The following XPR1 variants were observed in gnomAD, a reference collection of about 807,000 sequenced individuals.
XPR1 encodes xenotropic and polytropic retrovirus receptor 1.
A neutral mutation model predicts 87.5 loss-of-function variants in XPR1; 28 were observed. That is an observed-to-expected ratio of 0.32 (90% CI 0.24 to 0.44). The LOEUF (loss-of-function observed/expected upper bound fraction) is 0.44. XPR1 is among the 20% of genes least tolerant of loss of function. The pLI is 1.00. For synonymous variants in XPR1, 300 were observed against 306.1 expected, an observed-to-expected ratio of 0.98 and a Z score of 0.21; for missense variants, 559 against 862.3, an observed-to-expected ratio of 0.65 and a Z score of 4.41.
chr1:180,756,482 G>A (rs928213317), intron 2 of XPR1, among the ~76,000 whole-genome samples: 2 of 152,120 alleles, frequency 1.3e-5, no homozygotes, highest in Admixed American at 6.5e-5. Flanking sequence ...TTAAAATTGT[G>A]TAGTCTTTAT....
chr1:180,659,179 T>C (rs1479867256), intron 1 of XPR1, among the ~76,000 whole-genome samples: 11 of 128,212 alleles, frequency 8.6e-5, no homozygotes, highest in Admixed American at 1.6e-4. Context: ...CTAGGGATAT[T>C]GGCCTGTAGT....
chr1:180,840,532 T>TTGTGTGTGTG lies in XPR1; in HGVS notation c.1501+3842_1501+3851dup, dbSNP rs373937004. Among the ~76,000 whole-genome samples the TTGTGTGTGTG allele has an allele frequency of 8.8e-3, 975 of 110,298 alleles. 8 individuals are homozygous for TTGTGTGTGTG. The highest frequency in any genetic ancestry group is 0.012 in the Admixed American group (121 of 9,778). 72.4% of individuals were successfully genotyped at this position (110,298 alleles called of 152,430 possible). On this transcript the variant is annotated intron_variant, in intron 11 of 14. Transcript: ENST00000367590. ...AAATTTTGACTTCAGGTTAACATAT[T>TTGTGTGTGTG]TGTGTGTGTGTGTGTGTGTGTGTGT...
chr1:180,864,389 CTG>C (rs1558043858), intron 12 of XPR1, among the ~76,000 whole-genome samples: 1 of 152,128 alleles, frequency 6.6e-6, no homozygotes, highest in Non-Finnish European at 1.5e-5. Flanking sequence ...AGTTATCACA[CTG>C]TATTATAATA....
intron 11 of XPR1, among the ~76,000 whole-genome samples, chr1:180,860,449 C>A (rs1007917532): frequency 3.3e-5 from 5 of 152,054 alleles, no homozygotes; most frequent in Non-Finnish European, 5.9e-5. Context: ...TGAAAACAGT[C>A]TGTATGTTCA....
chr1:180,784,093 C>G (rs1649045495), intron 2 of XPR1, among the ~76,000 whole-genome samples: 1 of 151,868 alleles, frequency 6.6e-6, no homozygotes, highest in Non-Finnish European at 1.5e-5. Flanking sequence ...CTTGGAAATA[C>G]AGCCATTTGT....
At chr1:180,877,142 T>A (rs1484498758) in intron 13 of XPR1, among the ~76,000 whole-genome samples, 1 of 152,230 alleles carries the variant, frequency 6.6e-6, no homozygotes, top group Non-Finnish European at 1.5e-5. Flanking sequence ...GGAATAGGTT[T>A]AATTAAAGCT....
intron 7 of XPR1, among the ~76,000 whole-genome samples, chr1:180,815,009 C>G (rs893218304): frequency 6.6e-6 from 1 of 151,912 alleles, no homozygotes; most frequent in African/African-American, 2.4e-5. Context: ...TTGAGGCCAG[C>G]TCATAGGGAT....
intron 7 of XPR1, among the ~76,000 whole-genome samples, chr1:180,822,069 C>T (rs999220068): frequency 1.3e-5 from 2 of 152,180 alleles, no homozygotes; most frequent in South Asian, 2.1e-4. Context: ...TACTTGTTCC[C>T]TTGTAGTCTG....
At chr1:180,688,342 G>A (rs577776964) in intron 2 of XPR1, among the ~76,000 whole-genome samples, 1 of 151,848 alleles carries the variant, frequency 6.6e-6, no homozygotes, top group Admixed American at 6.6e-5. Context: ...ACCCACCTTG[G>A]CCTCCCAAAG....
intron 1 of XPR1, among the ~76,000 whole-genome samples, chr1:180,674,528 G>A (rs570030055): frequency 1.3e-5 from 2 of 152,142 alleles, no homozygotes; most frequent in South Asian, 4.2e-4. Context: ...AAAAGTGCTG[G>A]GATTACAGGC....
intron 11 of XPR1, among the ~76,000 whole-genome samples, chr1:180,842,620 G>A (rs1651555951): frequency 6.6e-6 from 1 of 152,136 alleles, no homozygotes; most frequent in South Asian, 2.1e-4. Context: ...TTGGAATTGG[G>A]ATTGGAGGAG....
intron 7 of XPR1, among the ~76,000 whole-genome samples, chr1:180,821,961 C>A (rs1328258108): frequency 1.3e-5 from 2 of 152,032 alleles, no homozygotes; most frequent in Non-Finnish European, 2.9e-5. Context: ...TTTTTGTTTC[C>A]TGACTGTTGT....
At chr1:180,722,187 G>T (rs2101998332) in intron 2 of XPR1, among the ~76,000 whole-genome samples, 1 of 152,276 alleles carries the variant, frequency 6.6e-6, no homozygotes, top group South Asian at 2.1e-4. Flanking sequence ...AGGATGGCTT[G>T]AGCCTGGGAG....
chr1:180,840,947 T>TA (rs530543720), intron 11 of XPR1, among the ~76,000 whole-genome samples: 2 of 151,766 alleles, frequency 1.3e-5, no homozygotes, highest in Non-Finnish European at 1.5e-5. Context: ...TGCTAAGCAC[T>TA]AAAAAAAATA....
chr1:180,809,307 C>G lies in XPR1; in HGVS notation c.682-2100C>G, dbSNP rs568695843. On this transcript the variant is annotated intron_variant, in intron 6 of 14. Coordinates refer to ENST00000367590, the MANE Select transcript of XPR1 (RefSeq NM_004736.4). ...GGATTACAAAGACACATGGGAAATT[C>G]TTGGGAGTCGTGGATATGTTCTTTG... is the stretch of plus-strand genomic sequence containing the variant. 4.6e-5 allele frequency among the ~76,000 whole-genome samples: 7 copies of G among 152,188 alleles called. No homozygotes were observed. In the South Asian group the frequency reaches 8.3e-4, roughly 18 times the overall value.
chr1:180,775,354 CA>C (rs1648671983), intron 2 of XPR1, among the ~76,000 whole-genome samples: 1 of 152,004 alleles, frequency 6.6e-6, no homozygotes, highest in South Asian at 2.1e-4. Flanking sequence ...GAGGCTGAGG[CA>C]GGGGGATCCC....
At chr1:180,645,215 T>C (rs1655080953) in intron 1 of XPR1, among the ~76,000 whole-genome samples, 1 of 152,230 alleles carries the variant, frequency 6.6e-6, no homozygotes, top group Non-Finnish European at 1.5e-5. Flanking sequence ...CACAAATAGA[T>C]TGCGGATCCA....
At chr1:180,775,508 T>G (rs575730922) in intron 2 of XPR1, among the ~76,000 whole-genome samples, 19 of 152,352 alleles carry the variant, frequency 1.2e-4, no homozygotes, top group Non-Finnish European at 2.4e-4. Flanking sequence ...CAGATATCTT[T>G]TGTTTGCTTT....
intron 11 of XPR1, among the ~76,000 whole-genome samples, chr1:180,850,595 A>G (rs538086490): frequency 2.0e-5 from 3 of 152,278 alleles, no homozygotes; most frequent in Admixed American, 6.5e-5. Flanking sequence ...TTAAGAAAAA[A>G]GTTTCTGCCC....
Sources: gnomAD v4.1 joint callset for allele counts (sites outside exome capture counted in the v4.1 genomes callset) on GRCh38, gnomAD v4.1.1 for gene constraint, MANE v1.5 for transcripts, NCBI Gene and HGNC (gene_info 2026-07-23, HGNC 2026-07-21) for gene names.